Variants in MCM3AP observed in about 807,000 individuals in gnomAD.
The protein encoded by MCM3AP is germinal-center associated nuclear protein.
Under a neutral mutation model 184.1 loss-of-function variants are expected in MCM3AP, and 126 were observed. That is an observed-to-expected ratio of 0.68 (90% CI 0.59 to 0.79). The LOEUF is 0.79. MCM3AP is among the 30% of genes least tolerant of loss of function. The probability of loss-of-function intolerance (pLI) is 0.00; values close to 1 mark genes in which losing one functional copy is unlikely to be tolerated. For synonymous variants in MCM3AP, 1,002 were observed against 979.3 expected (o/e 1.02, Z -0.43); for missense variants, 2,496 against 2,479.2 (o/e 1.01, Z -0.14).
chr21:46,273,841 A>G (rs1365125220), intron 6 of MCM3AP, among the ~76,000 whole-genome samples: 1 of 152,234 alleles, frequency 6.6e-6, no homozygotes, highest in Non-Finnish European at 1.5e-5. Context: ...ATGTTAAGTG[A>G]AGGCACATCT....
intron 4 of MCM3AP, among the ~76,000 whole-genome samples, chr21:46,279,221 G>A (rs561932647): frequency 6.6e-6 from 1 of 152,116 alleles, no homozygotes; most frequent in Admixed American, 6.5e-5. Context: ...CCAGGAGGCA[G>A]AGGTTGCAGT....
intron 15 of MCM3AP, among the ~76,000 whole-genome samples, chr21:46,259,571 AC>A (rs577777161): frequency 7.8e-4 from 119 of 152,074 alleles, no homozygotes; most frequent in African/African-American, 2.7e-3. Flanking sequence ...GGAGTTCGAA[AC>A]CAGCTTGGCC....
rs934698543 is a variant in MCM3AP at position 46,285,443 on chromosome 21, T to C, written c.-157A>G. 9.9e-6 allele frequency: 6 copies of C among 607,622 alleles called. No homozygotes were observed. Among genetic ancestry groups the C allele is most frequent in the African/African-American group, 9.3e-5 (5 of 54,026 alleles). The allele number at this position is 607,622 out of a possible 1,614,324, so 37.6% of individuals were successfully genotyped here. ...TCATAGCTATGTTCTGCTACAAGTC[T>C]AAGAAAAGAATTTTTGAACACTGTC... On this transcript the variant is annotated 5_prime_UTR_variant, in exon 1 of 28. Transcript: ENST00000291688.
Position 46,275,179 on chromosome 21 carries a change from G to A in MCM3AP, c.1998+7C>T, listed in dbSNP as rs1370337203. On this transcript the variant is annotated splice_region_variant and intron_variant, in intron 6 of 27. Coordinates refer to ENST00000291688, the MANE Select transcript of MCM3AP (RefSeq NM_003906.5). ...CCCACACTCCACGGGGAGATGCAGG[G>A]CTCTACCTGGTCAGTCCCTGGGACC... The A allele has an allele frequency of 6.2e-7, 1 of 1,611,412 alleles. No individual in the cohort carries two copies. Among genetic ancestry groups the A allele is most frequent in the East Asian group, 2.2e-5 (1 of 44,800 alleles).
intron 19 of MCM3AP, 178 bp downstream of exon 19, chr21:46,254,214 A>C: frequency 1.5e-6 from 1 of 664,212 alleles, no homozygotes; most frequent in African/African-American, 1.8e-5. Context: ...TGAAATAATC[A>C]AATCTAAAGT....
intron 9 of MCM3AP, 190 bp downstream of exon 9, chr21:46,270,211 C>T (rs935601822): frequency 5.3e-5 from 26 of 490,870 alleles, no homozygotes; most frequent in Admixed American, 5.3e-4. Flanking sequence ...ACAGCCTTTC[C>T]GGATGGTGAC....
At position 46,264,133 on chromosome 21, in the gene MCM3AP, C is replaced by G; in HGVS notation, c.3319G>C (p.Ala1107Pro). Residue 1107 changes from alanine (A) to proline (P), a missense_variant, in exon 13 of 28, where the codon GCA (alanine) becomes CCA (proline). Physicochemically the swap from Ala to Pro is conservative, Grantham distance 27. Transcript: ENST00000291688. ...EEVGSAGAAY[A>P]AAALGVSNAA... ...GCCACTCACCCCAGGGCGGCAGCTG[C>G]GTAGGCAGCACCCGCAGAGCCAACT... 6.2e-7 allele frequency: 1 copy of G among 1,613,544 alleles called. No homozygotes were observed.
rs934579579 is a variant in MCM3AP at position 46,267,127 on chromosome 21, G to A, written c.2644C>T (p.Leu882Phe). The A allele has an allele frequency of 3.1e-6, 5 of 1,613,652 alleles. No homozygotes were observed. Among genetic ancestry groups the A allele is most frequent in the Non-Finnish European group, 4.2e-6 (5 of 1,179,908 alleles). ...CYFSQIRKDA[L>F]RALNFAYTVS... ...GTGTACGCAAAGTTGAGCGCCCGGA[G>A]AGCATCCTTGCGGATCTGAGAGGAG... The change falls in exon 10 of 28, where the codon CTC becomes TTC. Residue 882 changes from leucine (L) to phenylalanine (F), a missense_variant. This residue lies in a region of MCM3AP where 138 missense variants were observed against 191.9 expected (regional missense o/e 0.72). Transcript: ENST00000291688.
rs1161529864 is a variant in MCM3AP at position 46,256,824 on chromosome 21, C to T, written c.3897G>A (p.Leu1299=). 1.3e-6 allele frequency: 2 copies of T among 1,563,298 alleles called. No homozygotes were observed. The highest frequency in any genetic ancestry group is 1.9e-5 in the Admixed American group (1 of 52,200). ...AGATGCCCAATCTCCCTGCATGGCC[C>T]AGGTCCAGGAGGCCCCTGGCCAGGT... ...EENLARGLLD[L]GHAGRLGISC... Residue 1299 remains leucine, a synonymous_variant, in exon 17 of 28, where the codon CTG becomes CTA. Coordinates refer to ENST00000291688, the MANE Select transcript of MCM3AP (RefSeq NM_003906.5).
At chr21:46,259,831 G>A (rs565274822) in intron 15 of MCM3AP, among the ~76,000 whole-genome samples, 1 of 151,710 alleles carries the variant, frequency 6.6e-6, no homozygotes, top group Non-Finnish European at 1.5e-5. Context: ...CGTGAACCCG[G>A]GAGGCGGAGC....
chr21:46,260,243 G>A (rs761906704), intron 15 of MCM3AP, among the ~76,000 whole-genome samples: 2 of 152,170 alleles, frequency 1.3e-5, no homozygotes, highest in African/African-American at 4.8e-5. Flanking sequence ...CCTCGTAACA[G>A]TTAAGAAATA....
chr21:46,257,124 C>T, intron 16 of MCM3AP, 138 bp from the exon 17 acceptor site: 3 of 1,211,732 alleles, frequency 2.5e-6, no homozygotes, highest in East Asian at 2.6e-5. Flanking sequence ...CGAACGTTAA[C>T]AGTTAATACT....
In MCM3AP at chr21:46,251,708, CAAAA is replaced by C. The variant is rs549117278; in HGVS notation, c.4137-30_4137-27del. ...CTACAGATTTAAAAAAAACAAAAAA[CAAAA>C]AAAACACTTGAAGAATCTAATTCTA... On this transcript the variant is annotated intron_variant, in intron 19 of 27. Coordinates refer to ENST00000291688, the MANE Select transcript of MCM3AP (RefSeq NM_003906.5). 5.1e-5 allele frequency: 71 copies of C among 1,404,934 alleles called. No individual in the cohort carries two copies. The South Asian group carries it at 7.0e-4, about 14-fold the overall frequency. 87.0% of individuals were successfully genotyped at this position (1,404,934 alleles called of 1,614,324 possible).
intron 20 of MCM3AP, 152 bp downstream of exon 20, chr21:46,251,377 A>G (rs902800653): frequency 8.8e-5 from 48 of 548,296 alleles, no homozygotes; most frequent in African/African-American, 2.1e-4. Context: ...TTTAAACGAC[A>G]TGTACGGACA....
chr21:46,261,195 T>G (rs188736102), intron 14 of MCM3AP, 85 bp downstream of exon 14: 38 of 1,521,704 alleles, frequency 2.5e-5, no homozygotes, highest in Non-Finnish European at 3.4e-5. Flanking sequence ...CAGTGGACAA[T>G]AGCAGGAGCA....
Position 46,251,665 on chromosome 21 carries a change from A to G in MCM3AP, c.4154T>C (p.Leu1385Ser). 6.3e-7 allele frequency: 1 copy of G among 1,590,000 alleles called. No individual in the cohort carries two copies. The highest frequency in any genetic ancestry group is 8.6e-7 in the Non-Finnish European group (1 of 1,160,984). Reference sequence around the variant, plus strand: ...TTCATCTCCCATGAACTTGACTTTTAACCAATTTGCTAGAATTCTACAGAT... The same window carrying G: ...TTCATCTCCCATGAACTTGACTTTTGACCAATTTGCTAGAATTCTACAGAT... ...ESCGRILANWLKVKFMGDEGS... is the reference protein window; with the variant it reads ...ESCGRILANWSKVKFMGDEGS... The change falls in exon 20 of 28, where the codon TTA becomes TCA. Residue 1385 changes from leucine (L) to serine (S), a missense_variant. Physicochemically the swap from Leu to Ser is moderately radical, Grantham distance 145. Coordinates refer to ENST00000291688, the MANE Select transcript of MCM3AP (RefSeq NM_003906.5).
intron 13 of MCM3AP, 26 bp downstream of exon 13, chr21:46,264,091 G>A: frequency 2.0e-6 from 3 of 1,536,394 alleles, no homozygotes; most frequent in Non-Finnish European, 1.8e-6. Flanking sequence ...GCACGTAGCA[G>A]GAGGGGAGCA....
At position 46,275,236 on chromosome 21, in the gene MCM3AP, C is replaced by A; in HGVS notation, c.1948G>T (p.Glu650Ter). The A allele has an allele frequency of 1.2e-6, 2 of 1,614,080 alleles. No individual in the cohort carries two copies. The highest frequency in any genetic ancestry group is 1.7e-6 in the Non-Finnish European group (2 of 1,179,990). Residue 650 changes from glutamate to a stop codon, truncating the protein, a stop_gained, in exon 6 of 28, where the codon GAG becomes TAG. Transcript: ENST00000291688. LOFTEE classifies it high-confidence loss of function. ...AACACGCTCAGCTGGCTACGGGTCT[C>A]CCGCATGTACCTCTCCTTCTCAGGA... ...MCPEKERYMR[E>*]TRSQLSVFEV... is the part of the protein sequence containing the mutation.
chr21:46,278,056 TGA>T (rs2081278084), intron 4 of MCM3AP, among the ~76,000 whole-genome samples: 1 of 151,466 alleles, frequency 6.6e-6, no homozygotes, highest in Non-Finnish European at 1.5e-5. Context: ...GAGGCTGGGG[TGA>T]GAGGATTGCT....
Sources: gnomAD v4.1 joint callset for allele counts (sites outside exome capture counted in the v4.1 genomes callset) on GRCh38, gnomAD v4.1.1 for gene constraint, gnomAD v4.1.1 regional missense constraint, MANE v1.5 for transcripts, NCBI Gene and HGNC (gene_info 2026-07-23, HGNC 2026-07-21) for gene names.